Variants in SEC22A observed in about 807,000 individuals in gnomAD.
SEC22A encodes the protein vesicle-trafficking protein SEC22a.
In SEC22A, 22 loss-of-function variants were observed where a neutral mutation model predicts 35.3. The observed-to-expected ratio is 0.62, with a 90% CI of 0.45 to 0.89. SEC22A has a LOEUF of 0.89. Among genes scored for constraint, SEC22A ranks in the 40% least tolerant of loss-of-function variants. The pLI, the probability that SEC22A is intolerant of heterozygous loss-of-function variation, is 0.00. For missense variants in SEC22A, 354 were observed against 362.5 expected, an observed-to-expected ratio of 0.98 and a Z score of 0.19; for synonymous variants, 119 against 129.5, an observed-to-expected ratio of 0.92 and a Z score of 0.55.
chr3:123,227,947 G>GAAA (rs62978760), intron 4 of SEC22A, among the ~76,000 whole-genome samples: 5 of 101,144 alleles, frequency 4.9e-5, no homozygotes, highest in Non-Finnish European at 6.3e-5. Flanking sequence ...AGCTCCATCA[G>GAAA]AAAAAAAAAA....
At chr3:123,238,196 T>C (rs1374380659) in intron 4 of SEC22A, among the ~76,000 whole-genome samples, 2 of 152,094 alleles carry the variant, frequency 1.3e-5, no homozygotes, top group Admixed American at 6.5e-5. Flanking sequence ...GAATTTATTT[T>C]ATTTTATTTT....
intron 4 of SEC22A, among the ~76,000 whole-genome samples, chr3:123,237,418 C>G (rs1359328566): frequency 6.6e-6 from 1 of 152,220 alleles, no homozygotes. Context: ...AACCTACAAT[C>G]TGTCATCCTC....
intron 5 of SEC22A, among the ~76,000 whole-genome samples, chr3:123,258,100 T>G (rs1937782514): frequency 6.6e-6 from 1 of 151,868 alleles, no homozygotes; most frequent in Admixed American, 6.6e-5. Context: ...GGACAATAAA[T>G]TATGGTATAT....
chr3:123,204,248 ATAT>A (rs535121552), intron 1 of SEC22A, among the ~76,000 whole-genome samples: 82 of 152,358 alleles, frequency 5.4e-4, no homozygotes, highest in African/African-American at 1.6e-3. Context: ...GATTTCACAG[ATAT>A]TATTGCTAAA....
chr3:123,253,233 A>C (rs1937638384), intron 5 of SEC22A, among the ~76,000 whole-genome samples: 1 of 152,178 alleles, frequency 6.6e-6, no homozygotes, highest in African/African-American at 2.4e-5. Context: ...CTCATCTTGC[A>C]ATTCTGCAAG....
intron 4 of SEC22A, among the ~76,000 whole-genome samples, chr3:123,238,096 G>C (rs144727721): frequency 6.6e-6 from 1 of 152,182 alleles, no homozygotes; most frequent in Non-Finnish European, 1.5e-5. Context: ...TGAGGCTGCA[G>C]TGAGCCTTGA....
chr3:123,238,867 T>G (rs1320086716), intron 4 of SEC22A, among the ~76,000 whole-genome samples: 3 of 152,228 alleles, frequency 2.0e-5, no homozygotes, highest in Admixed American at 2.0e-4. Context: ...GTTCTGCTTT[T>G]ACTTCTTTTA....
At chr3:123,205,196 C>T (rs1484088188) in intron 1 of SEC22A, among the ~76,000 whole-genome samples, 1 of 152,186 alleles carries the variant, frequency 6.6e-6, no homozygotes. Flanking sequence ...ATTGGACATT[C>T]ATCCCCGTTT....
In SEC22A at chr3:123,225,244, G is replaced by T; in HGVS notation, c.488G>T (p.Gly163Val). 1 of 1,613,662 alleles carries T rather than the reference G, an allele frequency of 6.2e-7. No homozygotes were observed. The highest frequency in any genetic ancestry group is 1.3e-5 in the African/African-American group (1 of 75,036). ...ISMCELGSAN[G>V]VTSAFSVDCK... ...ATGTGCGAACTGGGGTCAGCCAATG[G>T]AGTCACATCAGCATTTTCTGTTGAC... is the stretch of plus-strand genomic sequence containing the variant. The change falls in exon 4 of 7, where the codon GGA becomes GTA. Residue 163 changes from glycine to valine, a missense_variant. By Grantham distance (109) the Gly-to-Val change is moderately radical. Transcript: ENST00000492595.
At chr3:123,248,003 C>T (rs1037602964) in intron 5 of SEC22A, among the ~76,000 whole-genome samples, 1 of 152,098 alleles carries the variant, frequency 6.6e-6, no homozygotes, top group Non-Finnish European at 1.5e-5. Context: ...TGACAAAATC[C>T]AAACCCCATC....
At chr3:123,217,968 G>T (rs917896804) in intron 2 of SEC22A, among the ~76,000 whole-genome samples, 4 of 152,188 alleles carry the variant, frequency 2.6e-5, no homozygotes, top group African/African-American at 9.7e-5. Flanking sequence ...GGTGCAACAG[G>T]CCAGAATTGT....
In SEC22A at chr3:123,248,733, A is replaced by T. The variant is rs140249701; in HGVS notation, c.657+2719A>T. Among the ~76,000 whole-genome samples, 509 of 152,362 alleles carry T rather than the reference A, an allele frequency of 3.3e-3. 2 individuals carry two copies. Among genetic ancestry groups the T allele is most frequent in the Non-Finnish European group, 5.6e-3 (382 of 68,038 alleles). ...TGATGGATATTAACAGTGATTCTAA[A>T]GTTCATATGGAAAAGCAAGGATGCG... On this transcript the variant is annotated intron_variant, in intron 5 of 6. Transcript: ENST00000492595.
At chr3:123,255,238 A>G (rs1438502098) in intron 5 of SEC22A, among the ~76,000 whole-genome samples, 2 of 152,078 alleles carry the variant, frequency 1.3e-5, no homozygotes, top group African/African-American at 4.8e-5. Flanking sequence ...CAAATCTCTC[A>G]TCCGTTCATT....
chr3:123,256,676 G>A (rs1937738299), intron 5 of SEC22A, among the ~76,000 whole-genome samples: 1 of 151,932 alleles, frequency 6.6e-6, no homozygotes, highest in South Asian at 2.1e-4. Context: ...ATCACTTTGG[G>A]TGGTAATTAT....
chr3:123,205,958 A>G (rs1392070997), intron 1 of SEC22A, among the ~76,000 whole-genome samples: 5 of 152,222 alleles, frequency 3.3e-5, no homozygotes, highest in African/African-American at 1.2e-4. Context: ...TGTGTTTTAG[A>G]AAGCATGGAT....
chr3:123,259,108 A>T (rs187333436), intron 5 of SEC22A, among the ~76,000 whole-genome samples: 40 of 152,338 alleles, frequency 2.6e-4, no homozygotes, highest in African/African-American at 9.4e-4. Flanking sequence ...CAATTCAGTG[A>T]TATACTTACT....
intron 4 of SEC22A, among the ~76,000 whole-genome samples, chr3:123,235,477 T>A (rs7637200): frequency 1.3e-4 from 20 of 152,020 alleles, no homozygotes; most frequent in Non-Finnish European, 2.5e-4. Flanking sequence ...AAATTACAAG[T>A]AGATGCCACT....
At chr3:123,212,619 A>G (rs1193659508) in intron 2 of SEC22A, among the ~76,000 whole-genome samples, 2 of 152,164 alleles carry the variant, frequency 1.3e-5, no homozygotes, top group African/African-American at 2.4e-5. Context: ...ACGTTTTAAC[A>G]TCCCTTCATT....
At chr3:123,234,931 G>A (rs1343780818) in intron 4 of SEC22A, among the ~76,000 whole-genome samples, 4 of 152,050 alleles carry the variant, frequency 2.6e-5, no homozygotes, top group African/African-American at 9.7e-5. Flanking sequence ...GCTGAGGTGG[G>A]AGGACGGCTT....
Sources: allele counts gnomAD v4.1 joint callset (sites outside exome capture counted in the v4.1 genomes callset), GRCh38; gene constraint gnomAD v4.1.1; transcripts MANE v1.5; gene names NCBI Gene and HGNC (gene_info 2026-07-23, HGNC 2026-07-21).